The following BRINP3 variants were observed in gnomAD, a reference collection of about 807,000 sequenced individuals.
BRINP3 encodes the protein BMP/retinoic acid-inducible neural-specific protein 3.
A neutral mutation model predicts 71.0 loss-of-function variants in BRINP3; 19 were observed. That is an observed-to-expected ratio of 0.27 (90% CI 0.19 to 0.39). The LOEUF is 0.39. Ranked by LOEUF, BRINP3 falls within the 10% of genes least tolerant of loss-of-function variation. BRINP3 has a pLI of 1.00. For missense variants in BRINP3, 959 were observed against 940.8 expected (o/e 1.02, Z -0.25); for synonymous variants, 380 against 337.7 (o/e 1.13, Z -1.37).
At chr1:190,144,023 A>G (rs1655678180) in intron 7 of BRINP3, among the ~76,000 whole-genome samples, 1 of 151,964 alleles carries the variant, frequency 6.6e-6, no homozygotes, top group Non-Finnish European at 1.5e-5. Context: ...ATGAAAATGC[A>G]TAGGAGAGTA....
chr1:190,242,579 T>C (rs1312052656), intron 4 of BRINP3, among the ~76,000 whole-genome samples: 5 of 152,122 alleles, frequency 3.3e-5, no homozygotes, highest in African/African-American at 1.2e-4. Flanking sequence ...CTATATTCTC[T>C]AATTTTATTC....
At chr1:190,177,533 G>C (rs764542134) in intron 6 of BRINP3, among the ~76,000 whole-genome samples, 2 of 151,550 alleles carry the variant, frequency 1.3e-5, no homozygotes, top group African/African-American at 4.9e-5. Flanking sequence ...AAAAGGTTAC[G>C]TAGTGATAAC....
chr1:190,098,771 G>A lies in BRINP3; in HGVS notation c.1548C>T (p.Ser516=). ...RRIEVHAIFI[S]NDMRLNSWFD... is the part of the protein sequence containing the mutation. The stretch of plus-strand genomic sequence containing the variant: ...ACCAGCTATTGAGGCGCATGTCATT[G>A]CTGATAAAAATGGCATGGACTTCTA... Residue 516 remains serine (S), a synonymous_variant, in exon 8 of 8, where the codon AGC becomes AGT. Transcript: ENST00000367462. 1 of 1,614,178 alleles carries A rather than the reference G, an allele frequency of 6.2e-7. No individual in the cohort carries two copies. The highest frequency in any genetic ancestry group is 1.6e-4 in the Middle Eastern group (1 of 6,062).
intron 7 of BRINP3, among the ~76,000 whole-genome samples, chr1:190,129,054 T>A (rs952268625): frequency 1.4e-4 from 21 of 151,932 alleles, no homozygotes; most frequent in African/African-American, 5.1e-4. Context: ...GCAGTCAGAA[T>A]AAAATTTTCA....
At chr1:190,141,713 T>C (rs952643670) in intron 7 of BRINP3, among the ~76,000 whole-genome samples, 1 of 151,562 alleles carries the variant, frequency 6.6e-6, no homozygotes, top group African/African-American at 2.4e-5. Context: ...GCGTGTGCCA[T>C]CATGCTGGGC....
At chr1:190,350,587 G>A (rs1668313065) in intron 2 of BRINP3, among the ~76,000 whole-genome samples, 1 of 152,110 alleles carries the variant, frequency 6.6e-6, no homozygotes, top group African/African-American at 2.4e-5. Context: ...AAAGAAAAAT[G>A]AGCTAGTTTT....
intron 4 of BRINP3, among the ~76,000 whole-genome samples, chr1:190,238,647 A>G (rs1459596560): frequency 6.6e-6 from 1 of 152,074 alleles, no homozygotes; most frequent in Non-Finnish European, 1.5e-5. Flanking sequence ...AGTGGTGACA[A>G]TACAGTGGAG....
At chr1:190,204,181 A>G (rs2102624624) in intron 6 of BRINP3, among the ~76,000 whole-genome samples, 1 of 151,772 alleles carries the variant, frequency 6.6e-6, no homozygotes, top group South Asian at 2.1e-4. Context: ...AGACTTACCC[A>G]CTCCAGAAAA....
At chr1:190,128,370 C>A (rs534181506) in intron 7 of BRINP3, among the ~76,000 whole-genome samples, 1 of 151,838 alleles carries the variant, frequency 6.6e-6, no homozygotes, top group African/African-American at 2.4e-5. Context: ...ATTTATCACA[C>A]AATTACAATG....
chr1:190,336,234 G>A (rs1305771277), intron 2 of BRINP3, among the ~76,000 whole-genome samples: 2 of 151,948 alleles, frequency 1.3e-5, no homozygotes, highest in African/African-American at 4.8e-5. Context: ...CAATATAATT[G>A]CAGTTGGTGC....
intron 2 of BRINP3, among the ~76,000 whole-genome samples, chr1:190,304,955 T>C (rs945342559): frequency 1.3e-5 from 2 of 151,652 alleles, no homozygotes; most frequent in African/African-American, 4.8e-5. Context: ...GGGCAAAAAA[T>C]TTGAAGAGAC....
intron 2 of BRINP3, among the ~76,000 whole-genome samples, chr1:190,409,267 CA>C (rs960197244): frequency 7.2e-5 from 11 of 151,946 alleles, no homozygotes; most frequent in Middle Eastern, 3.4e-3. Flanking sequence ...AATAAATAAT[CA>C]AAAAACTATC....
At chr1:190,317,964 A>T (rs1005547856) in intron 2 of BRINP3, among the ~76,000 whole-genome samples, 1 of 152,146 alleles carries the variant, frequency 6.6e-6, no homozygotes, top group South Asian at 2.1e-4. Context: ...GTGTAAGCAT[A>T]ATCAGTTCCT....
At chr1:190,448,008 A>T (rs1675342365) in intron 2 of BRINP3, among the ~76,000 whole-genome samples, 2 of 151,862 alleles carry the variant, frequency 1.3e-5, no homozygotes, top group Middle Eastern at 3.4e-3. Flanking sequence ...TGTATATATT[A>T]AAAAAGTAAG....
chr1:190,206,442 C>G (rs1655506982), intron 6 of BRINP3, among the ~76,000 whole-genome samples: 1 of 151,770 alleles, frequency 6.6e-6, no homozygotes, highest in South Asian at 2.1e-4. Flanking sequence ...ATATAAATTT[C>G]AAGACATTTT....
chr1:190,157,592 T>G (rs1387677013), intron 7 of BRINP3, among the ~76,000 whole-genome samples: 1 of 152,100 alleles, frequency 6.6e-6, no homozygotes, highest in Non-Finnish European at 1.5e-5. Flanking sequence ...GGTAAAATAA[T>G]GTATTACATG....
At chr1:190,467,241 A>G (rs1676818886) in intron 1 of BRINP3, among the ~76,000 whole-genome samples, 1 of 151,636 alleles carries the variant, frequency 6.6e-6, no homozygotes, top group South Asian at 2.1e-4. Flanking sequence ...AATTTTAAAA[A>G]GTGTACTACA....
chr1:190,346,144 A>G (rs1269624156), intron 2 of BRINP3, among the ~76,000 whole-genome samples: 3 of 152,032 alleles, frequency 2.0e-5, no homozygotes, highest in Admixed American at 6.6e-5. Context: ...GAGAATAACC[A>G]TCAACTGTAG....
intron 2 of BRINP3, among the ~76,000 whole-genome samples, chr1:190,393,671 C>A (rs1159590734): frequency 1.3e-5 from 2 of 151,430 alleles, no homozygotes; most frequent in East Asian, 3.9e-4. Context: ...AAGAGAAACT[C>A]AAAATATATT....
Sources: gnomAD v4.1 joint callset for allele counts (sites outside exome capture counted in the v4.1 genomes callset) on GRCh38, gnomAD v4.1.1 for gene constraint, MANE v1.5 for transcripts, NCBI Gene and HGNC (gene_info 2026-07-23, HGNC 2026-07-21) for gene names.